Variants in PCDHGB6 observed in about 807,000 individuals in gnomAD.
PCDHGB6 encodes the protein protocadherin gamma subfamily B, 6.
A neutral mutation model predicts 59.1 loss-of-function variants in PCDHGB6; 51 were observed. The observed-to-expected ratio is 0.86, with a 90% CI of 0.69 to 1.09. The LOEUF (loss-of-function observed/expected upper bound fraction) is 1.09. Ranked by LOEUF, PCDHGB6 falls within the 50% of genes least tolerant of loss-of-function variation. The pLI is 0.00. For synonymous variants in PCDHGB6, 466 were observed against 495.1 expected (o/e 0.94, Z 0.78); for missense variants, 1,148 against 1,205.1 (o/e 0.95, Z 0.70).
At chr5:141,464,470 C>T (rs1175806879) in intron 1 of PCDHGB6, among the ~76,000 whole-genome samples, 3 of 151,194 alleles carry the variant, frequency 2.0e-5, no homozygotes, top group Non-Finnish European at 2.9e-5. Flanking sequence ...GAAGTATGTA[C>T]GTATAATAAA....
Position 141,419,699 on chromosome 5 carries a change from C to G in PCDHGB6, c.2418+9079C>G, listed in dbSNP as rs1488905080. ...CTACCACGTGGTGCAGGCCAGTGAG[C>G]CCGGGCTCTTCAGCCTGGGGCTGCG... On this transcript the variant is annotated intron_variant, in intron 1 of 3. Coordinates refer to ENST00000520790, the MANE Select transcript of PCDHGB6 (RefSeq NM_018926.3). The G allele has an allele frequency of 5.6e-6, 9 of 1,612,806 alleles. No homozygotes were observed. The East Asian group carries it at 1.8e-4, about 32-fold the overall frequency.
Position 141,410,368 on chromosome 5 carries a change from T to C in PCDHGB6, c.2166T>C (p.Ala722=), listed in dbSNP as rs751198926. 5.6e-6 allele frequency: 9 copies of C among 1,613,956 alleles called. No homozygotes were observed. The African/African-American group carries it at 1.2e-4, about 22-fold the overall frequency. The change falls in exon 1 of 4, where the codon GCT becomes GCC. Residue 722 remains alanine, a synonymous_variant. Coordinates refer to ENST00000520790, the MANE Select transcript of PCDHGB6 (RefSeq NM_018926.3). Reference sequence around the variant, plus strand: ...GCCTGCGACGCTCTCTCAGCCCTGCTACTTGGGACTGCTTCCATCCTGGTC... The same window carrying C: ...GCCTGCGACGCTCTCTCAGCCCTGCCACTTGGGACTGCTTCCATCCTGGTC... ...ALRLRRSLSP[A]TWDCFHPGLC...
intron 1 of PCDHGB6, chr5:141,423,279 C>T: frequency 1.9e-6 from 3 of 1,614,032 alleles, no homozygotes; most frequent in Non-Finnish European, 2.5e-6. Flanking sequence ...CTCTGGCTAA[C>T]TCTGAAACCT....
At chr5:141,417,703 C>A in intron 1 of PCDHGB6, 1 of 1,205,130 alleles carries the variant, frequency 8.3e-7, no homozygotes, top group Non-Finnish European at 1.1e-6. Context: ...AGCTCCCACA[C>A]AGAGGCTCCC....
chr5:141,417,800 C>T, intron 1 of PCDHGB6: 1 of 1,489,386 alleles, frequency 6.7e-7, no homozygotes. Context: ...TCTTTTAGCG[C>T]GGTAGAGTGC....
chr5:141,408,801 T>C lies in PCDHGB6; in HGVS notation c.599T>C (p.Leu200Pro). Residue 200 changes from leucine (L) to proline (P), a missense_variant, in exon 1 of 4, where the codon CTA (leucine) becomes CCA (proline). By Grantham distance (98) the Leu-to-Pro change is moderately conservative. Transcript: ENST00000520790. ...KYPELSLEKL[L>P]DREEQRSHSL... ...CCAGAGTTATCTCTGGAGAAACTCC[T>C]AGACCGGGAAGAACAGAGATCTCAT... The C allele has an allele frequency of 6.2e-7, 1 of 1,613,142 alleles. No homozygotes were observed. The highest frequency in any genetic ancestry group is 1.7e-5 in the Admixed American group (1 of 59,902).
chr5:141,416,233 C>T (rs1313671195), intron 1 of PCDHGB6: 1 of 152,210 alleles, frequency 6.6e-6, no homozygotes, highest in Non-Finnish European at 1.5e-5. Flanking sequence ...ATTTTTCCAG[C>T]CCTATTTATA....
chr5:141,440,990 C>T (rs1195325115), intron 1 of PCDHGB6: 2 of 152,172 alleles, frequency 1.3e-5, no homozygotes, highest in African/African-American at 4.8e-5. Flanking sequence ...CCAGAGTACC[C>T]ATATCTAGTT....
chr5:141,419,617 C>T (rs780077182), intron 1 of PCDHGB6: 2 of 1,612,280 alleles, frequency 1.2e-6, no homozygotes, highest in South Asian at 2.2e-5. Flanking sequence ...AGCCAGGCTA[C>T]CTGGTGACCA....
intron 1 of PCDHGB6, chr5:141,479,217 A>G (rs1433108919): frequency 1.3e-5 from 2 of 152,400 alleles, no homozygotes; most frequent in Non-Finnish European, 2.9e-5. Context: ...TTAAAAAATT[A>G]AAACTATAAT....
chr5:141,432,642 C>T lies in PCDHGB6; in HGVS notation c.2418+22022C>T, dbSNP rs746251093. 7.4e-6 allele frequency: 12 copies of T among 1,613,784 alleles called. No individual in the cohort carries two copies. The highest frequency in any genetic ancestry group is 2.7e-5 in the African/African-American group (2 of 75,056). ...GGTCTGCACACGGGCGAGGTGCGCA[C>T]GGCGCGAGCCCTGCTGGACAGAGAC... On this transcript the variant is annotated intron_variant, in intron 1 of 3. Coordinates refer to ENST00000520790, the MANE Select transcript of PCDHGB6 (RefSeq NM_018926.3). This position sits in a 1 kb window ranked among gnomAD's most constrained non-coding sequence, Gnocchi z 6.0.
At position 141,409,186 on chromosome 5, in the gene PCDHGB6, T is replaced by C; in HGVS notation, c.984T>C (p.Ser328=). 6.2e-7 allele frequency: 1 copy of C among 1,614,042 alleles called. No homozygotes were observed. Among genetic ancestry groups the C allele is most frequent in the Non-Finnish European group, 8.5e-7 (1 of 1,179,904 alleles). ...AAGCGAAGGACGGAGGTGGTCTCTC[T>C]ACCCAGTGTAAAGTAATCATAGAAA... ...EVEAKDGGGL[S]TQCKVIIEIL... is the part of the protein sequence containing the mutation. The change falls in exon 1 of 4, where the codon TCT becomes TCC. Residue 328 remains serine (S), a synonymous_variant. Transcript: ENST00000520790.
chr5:141,428,305 G>T (rs751498223), intron 1 of PCDHGB6: 8 of 694,348 alleles, frequency 1.2e-5, no homozygotes. Flanking sequence ...GATTTACCTG[G>T]TCGTGGCCTT....
chr5:141,478,179 A>C, intron 1 of PCDHGB6: 1 of 1,613,996 alleles, frequency 6.2e-7, no homozygotes, highest in Non-Finnish European at 8.5e-7. Context: ...GAGCAGAAAA[A>C]AAATCTCACC....
At position 141,511,246 on chromosome 5, in the gene PCDHGB6, G is replaced by A; in HGVS notation, c.*73G>A. 2 of 1,578,734 alleles carry A rather than the reference G, an allele frequency of 1.3e-6. No homozygotes were observed. Among genetic ancestry groups the A allele is most frequent in the Non-Finnish European group, 1.7e-6 (2 of 1,162,472 alleles). On this transcript the variant is annotated 3_prime_UTR_variant, in exon 4 of 4. Coordinates refer to ENST00000520790, the MANE Select transcript of PCDHGB6 (RefSeq NM_018926.3). The stretch of plus-strand genomic sequence containing the variant: ...CCAGCTTCTCCTTACCTGCACCCAG[G>A]CCTCAGAGTTTCAGGGCTAACCCCC...
chr5:141,470,476 A>G (rs1009129571), intron 1 of PCDHGB6, among the ~76,000 whole-genome samples: 7 of 152,128 alleles, frequency 4.6e-5, no homozygotes, highest in African/African-American at 1.7e-4. Context: ...GATATTACTA[A>G]CCCTCTGGGA....
At chr5:141,463,438 CTTTTTTTTTTTTT>C (rs71576115) in intron 1 of PCDHGB6, among the ~76,000 whole-genome samples, 4 of 103,254 alleles carry the variant, frequency 3.9e-5, no homozygotes, top group South Asian at 3.2e-4. Flanking sequence ...TTTCCTTCTC[CTTTTTTTTTTTTT>C]TTTTTTTTTT....
chr5:141,471,630 G>T (rs2099261496), intron 1 of PCDHGB6: 1 of 152,108 alleles, frequency 6.6e-6, no homozygotes, highest in African/African-American at 2.4e-5. Context: ...GCATTGGTAT[G>T]GATTAGTAAT....
In PCDHGB6 at chr5:141,491,786, C is replaced by T; in HGVS notation, c.2419-3021C>T. The stretch of plus-strand genomic sequence containing the variant: ...CCTCATAAGGGATTGAACTTGCATC[C>T]ACTCCTCTCCGGCCGGCTTGGTCGC... On this transcript the variant is annotated intron_variant, in intron 1 of 3. Coordinates refer to ENST00000520790, the MANE Select transcript of PCDHGB6 (RefSeq NM_018926.3). This position sits in a 1 kb window ranked among gnomAD's most constrained non-coding sequence, Gnocchi z 6.9. The T allele has an allele frequency of 1.3e-6, 2 of 1,529,640 alleles. No individual in the cohort carries two copies. The highest frequency in any genetic ancestry group is 2.5e-5 in the South Asian group (2 of 80,832). The allele number at this position is 1,529,640 out of a possible 1,614,324, so 94.8% of individuals were successfully genotyped here.
Sources: gnomAD v4.1 joint callset for allele counts (sites outside exome capture counted in the v4.1 genomes callset) on GRCh38, gnomAD v4.1.1 for gene constraint, Gnocchi (gnomAD v3.1) non-coding constraint, MANE v1.5 for transcripts, NCBI Gene and HGNC (gene_info 2026-07-23, HGNC 2026-07-21) for gene names.